The following DRC4 variants were observed in gnomAD, a reference collection of about 807,000 sequenced individuals.
DRC4 encodes the protein dynein regulatory complex subunit 4.
the DRC4 span, chr16:90,028,800 G>T: frequency 3.1e-6 from 2 of 654,328 alleles, no homozygotes; most frequent in South Asian, 3.6e-5. Context: ...CTGTGTTATT[G>T]TTAATAAATC....
At chr16:90,036,765 C>A in the DRC4 span, 1 of 715,274 alleles carries the variant, frequency 1.4e-6, no homozygotes, top group Non-Finnish European at 2.5e-6. Context: ...CGTAACCTAT[C>A]TCTACCTATT....
chr16:90,033,904 G>T, the DRC4 span, among the ~76,000 whole-genome samples: 2 of 151,286 alleles, frequency 1.3e-5, no homozygotes, highest in African/African-American at 4.9e-5. Flanking sequence ...CTGGGAGACG[G>T]GATGGGCCAG....
chr16:90,037,913 A>G, the DRC4 span: 1 of 1,446,094 alleles, frequency 6.9e-7, no homozygotes, highest in Non-Finnish European at 9.7e-7. Context: ...CACCAAGTTC[A>G]CCAAGGTGAG....
the DRC4 span, chr16:90,043,393 C>A: frequency 6.5e-7 from 1 of 1,541,442 alleles, no homozygotes. Context: ...TAGGAACACT[C>A]GGGATGACAC....
At chr16:90,034,448 C>A in the DRC4 span, among the ~76,000 whole-genome samples, 1 of 151,996 alleles carries the variant, frequency 6.6e-6, no homozygotes, top group Non-Finnish European at 1.5e-5. Context: ...GTGGTGAAAC[C>A]CCGTCTCTAC....
the DRC4 span, chr16:90,031,452 C>T: frequency 4.9e-5 from 78 of 1,601,202 alleles, no homozygotes; most frequent in Middle Eastern, 5.0e-4. Flanking sequence ...GAACAAAGAC[C>T]GGGAGATGGA....
the DRC4 span, chr16:90,022,607 C>G: frequency 8.2e-6 from 10 of 1,220,320 alleles, no homozygotes; most frequent in Non-Finnish European, 1.1e-5. Flanking sequence ...GGCGGAGTCT[C>G]GCGAGGATCT....
At chr16:90,029,062 T>C in the DRC4 span, 1 of 1,221,914 alleles carries the variant, frequency 8.2e-7, no homozygotes, top group Non-Finnish European at 1.0e-6. Context: ...TGTCCCAGCA[T>C]GTGAGCTGCT....
the DRC4 span, among the ~76,000 whole-genome samples, chr16:90,032,193 GGT>G: frequency 2.0e-5 from 3 of 151,522 alleles, no homozygotes; most frequent in South Asian, 4.2e-4. Flanking sequence ...GTACAGGTGA[GGT>G]GTGTTACAGG....
the DRC4 span, chr16:90,028,914 A>G: frequency 1.6e-6 from 2 of 1,286,622 alleles, no homozygotes; most frequent in Non-Finnish European, 2.0e-6. Flanking sequence ...GAACAATGGT[A>G]AAGAATGGCT....
chr16:90,033,982 G>A, the DRC4 span, among the ~76,000 whole-genome samples: 4 of 151,826 alleles, frequency 2.6e-5, no homozygotes, highest in Non-Finnish European at 4.4e-5. Flanking sequence ...CTCGAAAGCC[G>A]TGGTGGGGAC....
chr16:90,019,943 C>A, the DRC4 span: 2 of 157,928 alleles, frequency 1.3e-5, no homozygotes, highest in South Asian at 1.1e-4. This position sits in a 1 kb window ranked among gnomAD's most constrained non-coding sequence, Gnocchi z 6.1. Context: ...CTGGAAGGGG[C>A]GGGATGGGGG....
the DRC4 span, chr16:90,022,571 T>TC: frequency 2.3e-6 from 2 of 883,008 alleles, no homozygotes; most frequent in Non-Finnish European, 1.6e-6. Flanking sequence ...AGGGACGCAC[T>TC]CCCGCCTTTG....
At chr16:90,041,665 T>A in the DRC4 span, among the ~76,000 whole-genome samples, 10 of 151,950 alleles carry the variant, frequency 6.6e-5, no homozygotes, top group African/African-American at 2.2e-4. Flanking sequence ...TTAGCTGGGC[T>A]TGGTGGCGGG....
chr16:90,025,870 C>CAA, the DRC4 span, among the ~76,000 whole-genome samples: 91 of 84,684 alleles, frequency 1.1e-3, no homozygotes, highest in African/African-American at 3.4e-3. Context: ...GACTCCATCT[C>CAA]AAAAAAAAAA....
chr16:90,040,184 G>C, the DRC4 span: 5 of 971,568 alleles, frequency 5.1e-6, no homozygotes, highest in African/African-American at 8.0e-5. Context: ...GTGGGAGTGG[G>C]CACTGTTGGG....
chr16:90,042,393 C>A, the DRC4 span: 2 of 1,183,804 alleles, frequency 1.7e-6, no homozygotes, highest in South Asian at 1.2e-5. Context: ...TCAGAACGCC[C>A]ACTGGAGTCC....
chr16:90,043,219 G>A, the DRC4 span: 73 of 1,613,214 alleles, frequency 4.5e-5, 1 homozygote, highest in South Asian at 2.4e-4. Context: ...TGCTGCGCAC[G>A]TATGAGGCAA....
chr16:90,032,661 C>G, the DRC4 span: 1 of 1,538,954 alleles, frequency 6.5e-7, no homozygotes, highest in South Asian at 1.1e-5. Context: ...TGCACAGGTA[C>G]GGAAAGGTGA....
Sources: allele counts gnomAD v4.1 joint callset (sites outside exome capture counted in the v4.1 genomes callset), GRCh38; gene constraint gnomAD v4.1.1; non-coding constraint Gnocchi (gnomAD v3.1); transcripts MANE v1.5; gene names NCBI Gene and HGNC (gene_info 2026-07-23, HGNC 2026-07-21).